The following XKR6 variants were observed in gnomAD, a reference collection of about 807,000 sequenced individuals.
XKR6 encodes the protein XK-related protein 6.
XKR6 carries 22 observed loss-of-function variants against 56.7 expected under a neutral mutation model. The ratio of observed to expected loss-of-function variants is 0.39; its 90% CI spans 0.28 to 0.55. XKR6 has a LOEUF of 0.55. XKR6 is among the 20% of genes least tolerant of loss of function. The probability of loss-of-function intolerance (pLI) is 0.66; values close to 1 mark genes in which losing one functional copy is unlikely to be tolerated. For synonymous variants in XKR6, 524 were observed against 387.8 expected (o/e 1.35, Z -4.13); for missense variants, 852 against 889.0 (o/e 0.96, Z 0.53).
intron 1 of XKR6, among the ~76,000 whole-genome samples, chr8:11,057,187 G>T (rs554394467): frequency 3.8e-4 from 58 of 152,170 alleles, no homozygotes; most frequent in African/African-American, 1.1e-3. Flanking sequence ...AAAGAATAAG[G>T]AATAACATCA....
intron 2 of XKR6, among the ~76,000 whole-genome samples, chr8:10,923,077 C>T (rs976273626): frequency 3.9e-5 from 6 of 152,256 alleles, no homozygotes; most frequent in Non-Finnish European, 8.8e-5. Context: ...TGTCACCCCA[C>T]TGGCAGCACC....
chr8:11,119,942 T>C (rs2129183086), intron 1 of XKR6, among the ~76,000 whole-genome samples: 1 of 152,300 alleles, frequency 6.6e-6, no homozygotes, highest in Non-Finnish European at 1.5e-5. Flanking sequence ...AACCACATGA[T>C]TATCTCAATA....
At position 10,949,278 on chromosome 8, in the gene XKR6, C is replaced by A. The variant is rs114296619; in HGVS notation, c.765-24448G>T. 5.5e-3 allele frequency among the ~76,000 whole-genome samples: 832 copies of A among 152,372 alleles called. 6 individuals carry two copies. Among genetic ancestry groups the A allele is most frequent in the African/African-American group, 0.019 (795 of 41,598 alleles). ...CCTTCCATGCCTTGAGTCTTACGGGCCAGCTTAGTGGACTCTCCATAACTG... is the reference window on the plus strand; with the variant it reads ...CCTTCCATGCCTTGAGTCTTACGGGACAGCTTAGTGGACTCTCCATAACTG... On this transcript the variant is annotated intron_variant, in intron 1 of 2. Transcript: ENST00000416569.
In XKR6 at chr8:10,898,050, T is replaced by C. The variant is rs144402885; in HGVS notation, c.1828A>G (p.Ile610Val). 94 of 1,614,154 alleles carry C rather than the reference T, an allele frequency of 5.8e-5. No homozygotes were observed. Among genetic ancestry groups the C allele is most frequent in the Non-Finnish European group, 7.5e-5 (88 of 1,179,994 alleles). The change falls in exon 3 of 3, where the codon ATT becomes GTT. Residue 610 changes from isoleucine to valine, a missense_variant. Coordinates refer to ENST00000416569, the MANE Select transcript of XKR6 (RefSeq NM_173683.4). The surrounding 1 kb of genome is among the most constrained non-coding windows in gnomAD (Gnocchi z 6.6). ...GGGGTGACATATTGTAGAATGTTAATAGTCCTTCTCAGCCTCCTGTCTACA... is the reference window on the plus strand; with the variant it reads ...GGGGTGACATATTGTAGAATGTTAACAGTCCTTCTCAGCCTCCTGTCTACA... ...HFVDRRLRRT[I>V]NILQYVTPTA...
At chr8:11,101,308 TG>T (rs1798471377) in intron 1 of XKR6, among the ~76,000 whole-genome samples, 1 of 152,126 alleles carries the variant, frequency 6.6e-6, no homozygotes, top group African/African-American at 2.4e-5. Context: ...AAGAGGGAGC[TG>T]GTTATATTCA....
Position 11,201,013 on chromosome 8 carries a change from C to T in XKR6, c.327G>A (p.Thr109=), listed in dbSNP as rs776962344. The T allele has an allele frequency of 7.8e-7, 1 of 1,274,084 alleles. No individual in the cohort carries two copies. The highest frequency in any genetic ancestry group is 4.0e-5 in the Admixed American group (1 of 25,018). The allele number at this position is 1,274,084 out of a possible 1,614,324, so 78.9% of individuals were successfully genotyped here. A position where few individuals can be genotyped will look rare whatever the true frequency, so the allele number is the denominator to read the frequency against. ...GCGGCTCCGGCCGCGCGGCCGAGGG[C>T]GTCGGGGGTTGGCGGCCGGCGCCGG... The part of the protein sequence containing the change: ...AAPGAGRQPP[T]PSAARPEPPP... Residue 109 remains threonine (T), a synonymous_variant, in exon 1 of 3, where the codon ACG becomes ACA. Transcript: ENST00000416569.
intron 1 of XKR6, among the ~76,000 whole-genome samples, chr8:11,065,499 A>T (rs1351102221): frequency 6.6e-6 from 1 of 152,016 alleles, no homozygotes; most frequent in Non-Finnish European, 1.5e-5. Flanking sequence ...GGCCGTGATG[A>T]GCGTCATATC....
intron 1 of XKR6, among the ~76,000 whole-genome samples, chr8:11,186,128 C>T (rs1053644983): frequency 6.6e-6 from 1 of 152,166 alleles, no homozygotes; most frequent in Non-Finnish European, 1.5e-5. Flanking sequence ...GTCTCTTGTA[C>T]TCTGCAATCA....
chr8:10,905,244 C>G (rs1645237375), intron 2 of XKR6, among the ~76,000 whole-genome samples: 2 of 152,154 alleles, frequency 1.3e-5, no homozygotes, highest in Admixed American at 6.5e-5. Context: ...GCTTTCCTCC[C>G]AAATCTGCCC....
At chr8:11,071,389 GCCA>G in intron 1 of XKR6, among the ~76,000 whole-genome samples, 1 of 152,248 alleles carries the variant, frequency 6.6e-6, no homozygotes, top group South Asian at 2.1e-4. Context: ...ACAGGCACGC[GCCA>G]CCATGCCTGT....
intron 1 of XKR6, among the ~76,000 whole-genome samples, chr8:11,002,198 G>A (rs1480866805): frequency 6.6e-6 from 1 of 152,158 alleles, no homozygotes; most frequent in Non-Finnish European, 1.5e-5. Flanking sequence ...AATCCTGAGA[G>A]GGCCAGCACC....
Position 11,201,197 on chromosome 8 carries a change from G to C in XKR6, c.143C>G (p.Pro48Arg). The C allele has an allele frequency of 2.0e-6, 3 of 1,529,820 alleles. No individual in the cohort carries two copies. Among genetic ancestry groups the C allele is most frequent in the Non-Finnish European group, 2.6e-6 (3 of 1,144,908 alleles). 94.8% of individuals were successfully genotyped at this position (1,529,820 alleles called of 1,614,324 possible). A position where few individuals can be genotyped will look rare whatever the true frequency, so the allele number is the denominator to read the frequency against. Reference protein sequence around the residue: ...GCGGGGDGSEPGESSSMHICH... With the variant: ...GCGGGGDGSERGESSSMHICH... ...GATGTGCATCGAGCTGCTCTCGCCG[G>C]GCTCGCTGCCGTCGCCGCCGCCGCC... Residue 48 changes from proline to arginine, a missense_variant, in exon 1 of 3, where the codon CCC (proline) becomes CGC (arginine). Coordinates refer to ENST00000416569, the MANE Select transcript of XKR6 (RefSeq NM_173683.4).
intron 1 of XKR6, among the ~76,000 whole-genome samples, chr8:11,185,446 T>C (rs1322123945): frequency 6.6e-6 from 1 of 152,218 alleles, no homozygotes; most frequent in African/African-American, 2.4e-5. Context: ...TTGCAGTTTC[T>C]AAGAACTCAC....
At chr8:10,906,918 A>C (rs924254506) in intron 2 of XKR6, among the ~76,000 whole-genome samples, 75 of 152,280 alleles carry the variant, frequency 4.9e-4, no homozygotes, top group African/African-American at 1.7e-3. Flanking sequence ...TGTGGTGGCA[A>C]GTGCCCATAG....
intron 1 of XKR6, among the ~76,000 whole-genome samples, chr8:11,014,650 T>C (rs1798577652): frequency 6.6e-6 from 1 of 152,172 alleles, no homozygotes; most frequent in African/African-American, 2.4e-5. Flanking sequence ...GTAGGTCCCA[T>C]GATTGAGGAT....
At chr8:11,193,166 C>G (rs1283312539) in intron 1 of XKR6, among the ~76,000 whole-genome samples, 1 of 152,158 alleles carries the variant, frequency 6.6e-6, no homozygotes, top group East Asian at 1.9e-4. Context: ...ACTCTAATTT[C>G]TTCCTAGAAA....
In XKR6 at chr8:11,004,232, G is replaced by T. The variant is rs796602802; in HGVS notation, c.765-79402C>A. Among the ~76,000 whole-genome samples the T allele has an allele frequency of 3.0e-4, 46 of 152,292 alleles. 1 individual carries two copies. Among genetic ancestry groups the T allele is most frequent in the African/African-American group, 1.1e-3 (45 of 41,564 alleles). Reference sequence around the variant, plus strand: ...CTCACGCCTGTAATCCCAGCACTTTGGGAGGCTGAGGCAGGTGGATCATGA... The same window carrying T: ...CTCACGCCTGTAATCCCAGCACTTTTGGAGGCTGAGGCAGGTGGATCATGA... On this transcript the variant is annotated intron_variant, in intron 1 of 2. Coordinates refer to ENST00000416569, the MANE Select transcript of XKR6 (RefSeq NM_173683.4).
At chr8:10,910,674 A>C (rs1291399107) in intron 2 of XKR6, among the ~76,000 whole-genome samples, 3 of 152,172 alleles carry the variant, frequency 2.0e-5, no homozygotes, top group Non-Finnish European at 2.9e-5. Context: ...ACCTCCCCTC[A>C]AGGAGTTCCA....
chr8:11,007,815 T>A (rs917527530), intron 1 of XKR6, among the ~76,000 whole-genome samples: 1 of 152,060 alleles, frequency 6.6e-6, no homozygotes. Context: ...CAGCTCCCCT[T>A]CTCCTCTCTG....
Sources: gnomAD v4.1 joint callset for allele counts (sites outside exome capture counted in the v4.1 genomes callset) on GRCh38, gnomAD v4.1.1 for gene constraint, Gnocchi (gnomAD v3.1) non-coding constraint, MANE v1.5 for transcripts, NCBI Gene and HGNC (gene_info 2026-07-23, HGNC 2026-07-21) for gene names.